The following DLGAP2 variants were observed in gnomAD, a reference collection of about 807,000 sequenced individuals.
DLGAP2 encodes the protein disks large-associated protein 2.
In DLGAP2, 26 loss-of-function variants were observed where a neutral mutation model predicts 100.3. The ratio of observed to expected loss-of-function variants is 0.26; its 90% CI spans 0.19 to 0.36. The LOEUF is 0.36. Ranked by LOEUF, DLGAP2 falls within the 10% of genes least tolerant of loss-of-function variation. The probability of loss-of-function intolerance (pLI) is 1.00; values close to 1 mark genes in which losing one functional copy is unlikely to be tolerated. For synonymous variants in DLGAP2, 886 were observed against 630.1 expected, an observed-to-expected ratio of 1.41 and a Z score of -6.08; for missense variants, 1,858 against 1,453.2, an observed-to-expected ratio of 1.28 and a Z score of -4.53.
intron 3 of DLGAP2, among the ~76,000 whole-genome samples, chr8:1,362,733 A>G (rs1476928606): frequency 1.3e-5 from 2 of 152,244 alleles, no homozygotes; most frequent in East Asian, 3.8e-4. Flanking sequence ...TTCAAGAGCC[A>G]AAGCCTTAGT....
chr8:1,522,463 C>T (rs536463693), intron 4 of DLGAP2, among the ~76,000 whole-genome samples: 6 of 152,300 alleles, frequency 3.9e-5, no homozygotes, highest in African/African-American at 1.4e-4. Context: ...AGTGCTGGGG[C>T]CAAGGCCAGT....
chr8:1,241,662 T>G (rs946448919), intron 2 of DLGAP2, among the ~76,000 whole-genome samples: 14 of 152,178 alleles, frequency 9.2e-5, no homozygotes, highest in African/African-American at 3.1e-4. Flanking sequence ...CCAGTGGAAA[T>G]GACTTGAATT....
chr8:815,357 C>G (rs1796457167), intron 1 of DLGAP2, among the ~76,000 whole-genome samples: 1 of 152,120 alleles, frequency 6.6e-6, no homozygotes, highest in South Asian at 2.1e-4. Flanking sequence ...GGGCCTTAGC[C>G]CATCTGTGGA....
intron 2 of DLGAP2, among the ~76,000 whole-genome samples, chr8:1,150,178 CTCAATTTTTGTTTGCCTAGAAATG>C (rs1796673504): frequency 6.6e-6 from 1 of 152,186 alleles, no homozygotes; most frequent in African/African-American, 2.4e-5. Context: ...AGAAAATTCT[CTCAATTTTTGTTTGCCTAGAAATG>C]TCTTCATTTC....
At chr8:1,474,037 A>T (rs6991558) in intron 3 of DLGAP2, among the ~76,000 whole-genome samples, 1 of 151,728 alleles carries the variant, frequency 6.6e-6, no homozygotes, top group East Asian at 1.9e-4. Context: ...TTTATCCTTC[A>T]CCCCTTCCCC....
chr8:1,410,164 C>T (rs1343192361), intron 3 of DLGAP2, among the ~76,000 whole-genome samples: 1 of 152,182 alleles, frequency 6.6e-6, no homozygotes, highest in East Asian at 1.9e-4. Context: ...TGCCCTCGAT[C>T]TGCTGAGGAG....
Position 1,031,389 on chromosome 8 carries a change from A to AT in DLGAP2, c.73+123434dup, listed in dbSNP as rs994914726. Among the ~76,000 whole-genome samples, 413 of 147,952 alleles carry AT rather than the reference A, an allele frequency of 2.8e-3. 1 individual carries two copies. The highest frequency in any genetic ancestry group is 0.01 in the Middle Eastern group (3 of 288). On this transcript the variant is annotated intron_variant, in intron 2 of 14. Coordinates refer to ENST00000637795, the MANE Select transcript of DLGAP2 (RefSeq NM_001346810.2). ...CTGACATCGAGATTTCTTGCACTTTATTTTTTTTTTTAATTTTATTTATTT... is the reference window on the plus strand; with the variant it reads ...CTGACATCGAGATTTCTTGCACTTTATTTTTTTTTTTTAATTTTATTTATTT...
chr8:1,073,388 T>C (rs370700807), intron 2 of DLGAP2, among the ~76,000 whole-genome samples: 2 of 152,132 alleles, frequency 1.3e-5, no homozygotes, highest in South Asian at 2.1e-4. Flanking sequence ...CACTCTGAAA[T>C]TTTTTTTAAT....
chr8:803,945 C>G (rs1796218638), intron 1 of DLGAP2, among the ~76,000 whole-genome samples: 1 of 152,186 alleles, frequency 6.6e-6, no homozygotes, highest in Non-Finnish European at 1.5e-5. Context: ...AAAGATGTAT[C>G]CGTGAAATAC....
At chr8:1,437,843 G>A (rs898963440) in intron 3 of DLGAP2, among the ~76,000 whole-genome samples, 7 of 139,064 alleles carry the variant, frequency 5.0e-5, no homozygotes, top group Middle Eastern at 3.8e-3. Flanking sequence ...AAAATTAGCC[G>A]GGCGTGATGT....
At chr8:871,095 C>G (rs1300407706) in intron 1 of DLGAP2, among the ~76,000 whole-genome samples, 1 of 152,220 alleles carries the variant, frequency 6.6e-6, no homozygotes, top group Non-Finnish European at 1.5e-5. Context: ...TCAGTCAGAG[C>G]CTGACCACCT....
chr8:1,415,805 A>T (rs2129904547), intron 3 of DLGAP2, among the ~76,000 whole-genome samples: 1 of 152,296 alleles, frequency 6.6e-6, no homozygotes, highest in African/African-American at 2.4e-5. Flanking sequence ...TCTTTTTGGT[A>T]GAATGATTTA....
chr8:1,393,023 C>A (rs1243438733), intron 3 of DLGAP2, among the ~76,000 whole-genome samples: 2 of 58,378 alleles, frequency 3.4e-5, no homozygotes, highest in African/African-American at 1.4e-4. Flanking sequence ...ACCTCCTTGT[C>A]CTCCTGAGTC....
chr8:865,569 T>A (rs893698041), intron 1 of DLGAP2, among the ~76,000 whole-genome samples: 1 of 152,242 alleles, frequency 6.6e-6, no homozygotes, highest in Non-Finnish European at 1.5e-5. Flanking sequence ...TGCCTTCTCA[T>A]CCTTTTCCTT....
chr8:1,018,866 C>G (rs1801547032), intron 2 of DLGAP2: 1 of 152,176 alleles, frequency 6.6e-6, no homozygotes, highest in African/African-American at 2.4e-5. Context: ...TCCAGTCGCT[C>G]AAATCCAGTT....
At chr8:930,531 A>G (rs1234197281) in intron 2 of DLGAP2, among the ~76,000 whole-genome samples, 3 of 152,214 alleles carry the variant, frequency 2.0e-5, no homozygotes, top group African/African-American at 7.2e-5. Context: ...AGTCTTTTAC[A>G]ATAGATTGCC....
chr8:1,667,169 T>C (rs1798565297), intron 8 of DLGAP2, among the ~76,000 whole-genome samples: 1 of 152,142 alleles, frequency 6.6e-6, no homozygotes. Flanking sequence ...TAAAGGAAAA[T>C]AATTGACTGT....
chr8:1,274,891 T>G (rs1223255726), intron 3 of DLGAP2, among the ~76,000 whole-genome samples: 1 of 152,176 alleles, frequency 6.6e-6, no homozygotes, highest in Non-Finnish European at 1.5e-5. Context: ...GCAATTACTT[T>G]ATGAATATTC....
intron 2 of DLGAP2, among the ~76,000 whole-genome samples, chr8:1,225,471 T>C (rs1798395115): frequency 6.6e-6 from 1 of 152,212 alleles, no homozygotes; most frequent in East Asian, 1.9e-4. Context: ...GGTTTCCTTT[T>C]GGACTGATGA....
Sources: allele counts gnomAD v4.1 joint callset (sites outside exome capture counted in the v4.1 genomes callset), GRCh38; gene constraint gnomAD v4.1.1; transcripts MANE v1.5; gene names NCBI Gene and HGNC (gene_info 2026-07-23, HGNC 2026-07-21).